The following CRYBA4 variants were observed in gnomAD, a reference collection of about 807,000 sequenced individuals.
The protein encoded by CRYBA4 is crystallin beta A4.
In CRYBA4, 30 loss-of-function variants were observed where a neutral mutation model predicts 31.7. The observed-to-expected ratio is 0.95, with a 90% CI of 0.71 to 1.28. CRYBA4 has a LOEUF of 1.28. Among genes scored for constraint, CRYBA4 ranks in the 50% most tolerant of loss-of-function variants. The pLI, the probability that CRYBA4 is intolerant of heterozygous loss-of-function variation, is 0.00. For missense variants in CRYBA4, 225 were observed against 260.7 expected (o/e 0.86, Z 0.94); for synonymous variants, 102 against 102.3 (o/e 1.00, Z 0.02).
upstream of CRYBA4, chr22:26,621,857 C>A: frequency 2.2e-6 from 1 of 450,888 alleles, no homozygotes; most frequent in Non-Finnish European, 2.9e-6. Flanking sequence ...TCAGCCAGGG[C>A]TGGCTTTTGT....
Position 26,625,578 on chromosome 22 carries a change from T to C in CRYBA4, c.256T>C (p.Tyr86His). Residue 86 changes from tyrosine to histidine, a missense_variant, in exon 4 of 6, where the codon TAC becomes CAC. By Grantham distance (83) the Tyr-to-His change is moderately conservative. Coordinates refer to ENST00000354760, the MANE Select transcript of CRYBA4 (RefSeq NM_001886.3). ...GGATGCCTGGGGCGGCAACACGGCCTACCCCGCCGAGAGGCTCACCTCCTT... is the reference window on the plus strand; with the variant it reads ...GGATGCCTGGGGCGGCAACACGGCCCACCCCGCCGAGAGGCTCACCTCCTT... The part of the protein sequence containing the change: ...SWDAWGGNTA[Y>H]PAERLTSFRP... 6.2e-7 allele frequency: 1 copy of C among 1,613,738 alleles called. No homozygotes were observed. The highest frequency in any genetic ancestry group is 8.5e-7 in the Non-Finnish European group (1 of 1,179,940).
the CRYBA4 span, chr22:26,601,995 C>G: frequency 6.2e-7 from 1 of 1,613,826 alleles, no homozygotes; most frequent in Non-Finnish European, 8.5e-7. Flanking sequence ...CCCCTTCAAA[C>G]AGGGAGATTT....
chr22:26,601,837 G>A, the CRYBA4 span: 1 of 1,611,002 alleles, frequency 6.2e-7, no homozygotes, highest in South Asian at 1.1e-5. Flanking sequence ...TTCTGCCTGT[G>A]CTTGAAGCAG....
chr22:26,624,789 G>A (rs1338727871), intron 3 of CRYBA4, among the ~76,000 whole-genome samples: 1 of 152,194 alleles, frequency 6.6e-6, no homozygotes, highest in African/African-American at 2.4e-5. Context: ...AACAAAGGGG[G>A]CTGAATGACA....
intron 3 of CRYBA4, among the ~76,000 whole-genome samples, 181 bp from the exon 4 acceptor site, chr22:26,625,300 C>T (rs1478314659): frequency 6.6e-6 from 1 of 152,172 alleles, no homozygotes; most frequent in Non-Finnish European, 1.5e-5. Flanking sequence ...GATAGATGGC[C>T]TTCGCAGTCC....
At position 26,625,564 on chromosome 22, in the gene CRYBA4, G is replaced by T. The variant is rs1402917092; in HGVS notation, c.242G>T (p.Gly81Val). ...GAATATCCAAGCTGGGATGCCTGGG[G>T]CGGCAACACGGCCTACCCCGCCGAG... ...RGEYPSWDAWGGNTAYPAERL... is the reference protein window; with the variant it reads ...RGEYPSWDAWVGNTAYPAERL... The change falls in exon 4 of 6, where the codon GGC (glycine) becomes GTC (valine). Residue 81 changes from glycine (G) to valine (V), a missense_variant. Gly to Val is a moderately radical substitution (Grantham distance 109). Transcript: ENST00000354760. The T allele has an allele frequency of 1.2e-6, 2 of 1,614,032 alleles. No homozygotes were observed. The highest frequency in any genetic ancestry group is 1.7e-6 in the Non-Finnish European group (2 of 1,180,012).
the CRYBA4 span, among the ~76,000 whole-genome samples, chr22:26,610,179 G>C: frequency 0.18 from 26,969 of 152,030 alleles, 3,127 homozygotes; most frequent in South Asian, 0.38. Flanking sequence ...AGGGAGAGAG[G>C]GTAGGGCAGG....
chr22:26,601,609 C>T, the CRYBA4 span, among the ~76,000 whole-genome samples: 1 of 151,598 alleles, frequency 6.6e-6, no homozygotes, highest in Non-Finnish European at 1.5e-5. Context: ...ACTCCTTCAA[C>T]CCCAACTAGG....
intron 5 of CRYBA4, among the ~76,000 whole-genome samples, chr22:26,628,771 C>A (rs1393041175): frequency 6.6e-6 from 1 of 152,154 alleles, no homozygotes; most frequent in African/African-American, 2.4e-5. Context: ...TGTGTGAAGG[C>A]AAAGGTGGCG....
upstream of CRYBA4, among the ~76,000 whole-genome samples, chr22:26,618,643 A>C (rs1008525184): frequency 6.6e-6 from 1 of 152,162 alleles, no homozygotes; most frequent in Non-Finnish European, 1.5e-5. Context: ...ATTTCACAGA[A>C]GAGGAAAGTG....
the CRYBA4 span, among the ~76,000 whole-genome samples, chr22:26,611,219 C>T: frequency 1.3e-5 from 2 of 152,186 alleles, no homozygotes; most frequent in African/African-American, 4.8e-5. Flanking sequence ...GGGTAAGAGA[C>T]TCACCCCCTC....
chr22:26,611,993 T>C, the CRYBA4 span: 1 of 1,035,264 alleles, frequency 9.7e-7, no homozygotes, highest in East Asian at 2.4e-5. Context: ...ACAGAGCAGA[T>C]GCTGGAGAAA....
chr22:26,614,301 T>G, the CRYBA4 span, among the ~76,000 whole-genome samples: 1 of 152,328 alleles, frequency 6.6e-6, no homozygotes, highest in East Asian at 1.9e-4. Flanking sequence ...TTTTGCAGCT[T>G]GTGGGGCATC....
the CRYBA4 span, among the ~76,000 whole-genome samples, chr22:26,603,926 A>AAAAC: frequency 4.6e-5 from 7 of 152,288 alleles, no homozygotes; most frequent in South Asian, 1.2e-3. Context: ...TCTGTCTCAA[A>AAAAC]AAACAAACAA....
chr22:26,616,023 AGAAAGAGGTGCGGAGGAGTAAGAGGT>A, the CRYBA4 span: 1 of 824,656 alleles, frequency 1.2e-6, no homozygotes, highest in East Asian at 2.5e-5. Flanking sequence ...AAAAAGGAGG[AGAAAGAGGTGCGGAGGAGTAAGAGGT>A]GAAAGAGGAA....
the CRYBA4 span, chr22:26,608,147 G>A: frequency 2.1e-5 from 29 of 1,374,246 alleles, no homozygotes; most frequent in Non-Finnish European, 2.8e-5. Flanking sequence ...TCCAAAGGGG[G>A]CTGAACATGT....
the CRYBA4 span, among the ~76,000 whole-genome samples, chr22:26,600,575 G>T: frequency 6.6e-6 from 1 of 152,196 alleles, no homozygotes. Flanking sequence ...TGTCTGTACA[G>T]TGGGGATGAT....
chr22:26,628,219 A>G (rs1405200989), intron 4 of CRYBA4, 69 bp from the exon 5 acceptor site: 9 of 1,609,056 alleles, frequency 5.6e-6, no homozygotes, highest in Non-Finnish European at 7.6e-6. Flanking sequence ...GGGAGTGTGG[A>G]GGCCAGGAGA....
chr22:26,593,560 C>A, the CRYBA4 span, among the ~76,000 whole-genome samples: 1 of 151,978 alleles, frequency 6.6e-6, no homozygotes, highest in Non-Finnish European at 1.5e-5. Context: ...GAGTCTCACT[C>A]TGTTGCCCAG....
Sources: gnomAD v4.1 joint callset for allele counts (sites outside exome capture counted in the v4.1 genomes callset) on GRCh38, gnomAD v4.1.1 for gene constraint, MANE v1.5 for transcripts, NCBI Gene and HGNC (gene_info 2026-07-23, HGNC 2026-07-21) for gene names.